Variants in FAM120B observed in about 807,000 individuals in gnomAD.
FAM120B encodes constitutive coactivator of peroxisome proliferator-activated receptor gamma.
Under a neutral mutation model 96.3 loss-of-function variants are expected in FAM120B, and 83 were observed. The observed-to-expected ratio is 0.86, with a 90% CI of 0.72 to 1.03. FAM120B has a LOEUF of 1.03. Among genes scored for constraint, FAM120B ranks in the 50% least tolerant of loss-of-function variants. The pLI, the probability that FAM120B is intolerant of heterozygous loss-of-function variation, is 0.00. For synonymous variants in FAM120B, 407 were observed against 402.7 expected (o/e 1.01, Z -0.13); for missense variants, 1,027 against 1,121.2 (o/e 0.92, Z 1.20).
chr6:170,390,731 A>G (rs143746090), intron 7 of FAM120B, among the ~76,000 whole-genome samples: 92 of 152,334 alleles, frequency 6.0e-4, no homozygotes, highest in African/African-American at 2.2e-3. Flanking sequence ...TAGGACTTGA[A>G]GATTCTTTTT....
intron 4 of FAM120B, among the ~76,000 whole-genome samples, chr6:170,342,669 C>T (rs570240446): frequency 5.9e-5 from 9 of 152,316 alleles, no homozygotes; most frequent in African/African-American, 2.4e-5. Context: ...GGCTCGGTCC[C>T]TCCTGAAAAG....
chr6:170,299,175 G>T (rs73029196), intron 1 of FAM120B, among the ~76,000 whole-genome samples: 17,463 of 152,200 alleles, frequency 0.11, 1,339 homozygotes, highest in East Asian at 0.31. Flanking sequence ...CCTTTTCTTT[G>T]TGGGAAGGTT....
chr6:170,338,126 G>A (rs1414228249), intron 4 of FAM120B, among the ~76,000 whole-genome samples: 1 of 152,076 alleles, frequency 6.6e-6, no homozygotes, highest in East Asian at 1.9e-4. Flanking sequence ...TGATGTTAGG[G>A]TGTCAATTTC....
At chr6:170,326,674 G>A (rs1391577033) in intron 3 of FAM120B, among the ~76,000 whole-genome samples, 1 of 152,218 alleles carries the variant, frequency 6.6e-6, no homozygotes. Context: ...ATGAATGAAT[G>A]TGGCTGTGTG....
chr6:170,350,423 C>T (rs552414865), intron 5 of FAM120B, among the ~76,000 whole-genome samples: 10 of 152,282 alleles, frequency 6.6e-5, no homozygotes, highest in South Asian at 6.2e-4. Context: ...TCCCCCATCT[C>T]CAGTGCAGCA....
chr6:170,406,492 G>GT lies in FAM120B; in HGVS notation c.*1744dup, dbSNP rs1778808025. On this transcript the variant is annotated 3_prime_UTR_variant, in exon 11 of 11. Coordinates refer to ENST00000476287, the MANE Select transcript of FAM120B (RefSeq NM_032448.3). ...ATCATCTTTCCTTAAAATCCTGAGT[G>GT]TTTATTAAAAAGGGACATGGTCTCT... The GT allele has an allele frequency of 1.3e-5, 2 of 152,224 alleles. No individual in the cohort carries two copies. The highest frequency in any genetic ancestry group is 4.2e-4 in the South Asian group (2 of 4,818). 9.4% of individuals were successfully genotyped at this position (152,224 alleles called of 1,614,324 possible).
intron 5 of FAM120B, among the ~76,000 whole-genome samples, chr6:170,353,569 A>G (rs1269619559): frequency 2.0e-5 from 3 of 152,142 alleles, no homozygotes; most frequent in Non-Finnish European, 4.4e-5. Context: ...AGTTGACTTT[A>G]TCCGTGGGAA....
At position 170,342,134 on chromosome 6, in the gene FAM120B, C is replaced by T. The variant is rs143394932; in HGVS notation, c.2018-6017C>T. Among the ~76,000 whole-genome samples, 26 of 152,188 alleles carry T rather than the reference C, an allele frequency of 1.7e-4. No homozygotes were observed. In the East Asian group the frequency reaches 4.3e-3, roughly 25 times the overall value. ...AGGATGTAGGCTGGGAGGCCAAGCCCGTGTCTCCAGTTTTCTGAGTTTTTT... is the reference window on the plus strand; with the variant it reads ...AGGATGTAGGCTGGGAGGCCAAGCCTGTGTCTCCAGTTTTCTGAGTTTTTT... On this transcript the variant is annotated intron_variant, in intron 4 of 10. Transcript: ENST00000476287.
chr6:170,383,645 C>T (rs1441293216), intron 6 of FAM120B, among the ~76,000 whole-genome samples: 1 of 152,190 alleles, frequency 6.6e-6, no homozygotes, highest in African/African-American at 2.4e-5. Flanking sequence ...AAAATAGTGA[C>T]ACCACCAAAT....
At chr6:170,320,543 C>T (rs746872125) in intron 2 of FAM120B, among the ~76,000 whole-genome samples, 8 of 152,070 alleles carry the variant, frequency 5.3e-5, no homozygotes, top group Non-Finnish European at 1.2e-4. Context: ...AGGTGAAGTT[C>T]CTCCTTGAGT....
rs147246997 is a variant in FAM120B at position 170,353,270 on chromosome 6, C to CAA, written c.2191-4948_2191-4947dup. 0.01 allele frequency among the ~76,000 whole-genome samples: 1,544 copies of CAA among 150,966 alleles called. 65 individuals are homozygous for CAA. The East Asian group carries it at 0.11, about 10-fold the overall frequency. On this transcript the variant is annotated intron_variant, in intron 5 of 10. Transcript: ENST00000476287. ...AATAATAAATAGCTTACCAAACAAA[C>CAA]AAAAAAAAATCCAGAACCAGATGGA... is the stretch of plus-strand genomic sequence containing the variant.
At chr6:170,338,887 C>T (rs73034940) in intron 4 of FAM120B, among the ~76,000 whole-genome samples, 20,962 of 134,872 alleles carry the variant, frequency 0.16, 1,901 homozygotes, top group Non-Finnish European at 0.21. Context: ...GTAAATATTC[C>T]GCCATCCCTT....
chr6:170,387,567 C>T (rs1790258137), intron 6 of FAM120B, among the ~76,000 whole-genome samples: 1 of 152,148 alleles, frequency 6.6e-6, no homozygotes, highest in Admixed American at 6.6e-5. Context: ...CCCTCTGCAG[C>T]ATCTTAGGAT....
chr6:170,404,377 T>C (rs1778727235), intron 9 of FAM120B, 173 bp from the exon 10 acceptor site: 3 of 533,830 alleles, frequency 5.6e-6, no homozygotes, highest in Non-Finnish European at 9.8e-6. Flanking sequence ...TTTAATGGAA[T>C]AATTATGGAA....
At chr6:170,361,242 A>ATATATATATATATATACG (rs1374958889) in intron 6 of FAM120B, among the ~76,000 whole-genome samples, 27 of 130,016 alleles carry the variant, frequency 2.1e-4, no homozygotes, top group African/African-American at 8.8e-4. Flanking sequence ...ATATACACGT[A>ATATATATATATATATACG]TATATATATA....
intron 4 of FAM120B, among the ~76,000 whole-genome samples, chr6:170,337,037 C>G (rs1425907844): frequency 6.6e-6 from 1 of 152,100 alleles, no homozygotes; most frequent in African/African-American, 2.4e-5. Flanking sequence ...CTTTTTCTTG[C>G]CTGATTGCCC....
At chr6:170,374,376 T>C (rs752853810) in intron 6 of FAM120B, among the ~76,000 whole-genome samples, 5 of 152,188 alleles carry the variant, frequency 3.3e-5, no homozygotes, top group Non-Finnish European at 7.3e-5. Context: ...CAGAAGTCGG[T>C]GTATTTAGGA....
chr6:170,311,225 G>A (rs1057096652), intron 1 of FAM120B, among the ~76,000 whole-genome samples: 1 of 152,218 alleles, frequency 6.6e-6, no homozygotes, highest in African/African-American at 2.4e-5. Flanking sequence ...TGAGTCCTTA[G>A]TGACATCTTG....
At chr6:170,331,507 T>C (rs146300897) in intron 4 of FAM120B, among the ~76,000 whole-genome samples, 195 of 152,310 alleles carry the variant, frequency 1.3e-3, no homozygotes, top group Admixed American at 2.7e-3. Flanking sequence ...TTAAAAGTAC[T>C]TACCAGAGAA....
Sources: gnomAD v4.1 joint callset for allele counts (sites outside exome capture counted in the v4.1 genomes callset) on GRCh38, gnomAD v4.1.1 for gene constraint, MANE v1.5 for transcripts, NCBI Gene and HGNC (gene_info 2026-07-23, HGNC 2026-07-21) for gene names.